COL9A3: variants seen among roughly 807,000 people sequenced by gnomAD.
COL9A3 encodes the protein collagen type IX alpha 3 chain.
COL9A3 carries 82 observed loss-of-function variants against 110.2 expected under a neutral mutation model. That is an observed-to-expected ratio of 0.74 (90% confidence interval 0.62 to 0.89). The LOEUF is 0.89. COL9A3 is among the 40% of genes least tolerant of loss of function. COL9A3 has a pLI of 0.00. For missense variants in COL9A3, 1,066 were observed against 981.3 expected (o/e 1.09, Z -1.15); for synonymous variants, 494 against 403.8 (o/e 1.22, Z -2.68).
intron 27 of COL9A3, 36 bp from the exon 28 acceptor site, chr20:62,836,151 C>G (rs1323356118): frequency 2.5e-6 from 4 of 1,608,726 alleles, no homozygotes; most frequent in Non-Finnish European, 2.5e-6. Context: ...GGCTCCTGGG[C>G]TCGCCCCTGA....
rs2147227451 is a variant in COL9A3 at position 62,836,242 on chromosome 20, G to A, written c.1457G>A (p.Ser486Asn). The change falls in exon 28 of 32, where the codon AGC (serine) becomes AAC (asparagine). Residue 486 changes from serine (S) to asparagine (N), a missense_variant. Physicochemically the swap from Ser to Asn is conservative, Grantham distance 46 (BLOSUM62 1). Coordinates refer to ENST00000649368, the MANE Select transcript of COL9A3 (RefSeq NM_001853.4). ...PKGTQGPNGT[S>N]GVQGVPGPPG... Reference sequence around the variant, plus strand: ...GGCACCCAGGGTCCCAACGGCACCAGCGGTGTTCAGGGTGTCCCCGGGCCC... The same window carrying A: ...GGCACCCAGGGTCCCAACGGCACCAACGGTGTTCAGGGTGTCCCCGGGCCC... 3 of 1,613,740 alleles carry A rather than the reference G, an allele frequency of 1.9e-6. No individual in the cohort carries two copies. Among genetic ancestry groups the A allele is most frequent in the South Asian group, 1.1e-5 (1 of 91,082 alleles).
At chr20:62,822,068 TG>T (rs761340343) in intron 8 of COL9A3, 42 bp from the exon 9 acceptor site, 2 of 1,211,114 alleles carry the variant, frequency 1.7e-6, no homozygotes, top group Non-Finnish European at 2.5e-6. Flanking sequence ...CTCACTCAGG[TG>T]GGGGCTGGTC....
chr20:62,817,373 C>A (rs1990963236), intron 1 of COL9A3, 194 bp from the exon 2 acceptor site: 2 of 533,422 alleles, frequency 3.7e-6, no homozygotes, highest in Non-Finnish European at 6.4e-6. Flanking sequence ...ACAAGGGGGC[C>A]TTTGTTCCCG....
At chr20:62,822,778 C>A in intron 10 of COL9A3, 146 bp downstream of exon 10, 5 of 823,666 alleles carry the variant, frequency 6.1e-6, no homozygotes, top group Non-Finnish European at 1.0e-5. Context: ...GCAGACAGCT[C>A]GGGCACAACC....
chr20:62,829,200 T>C (rs537770771), intron 19 of COL9A3, among the ~76,000 whole-genome samples: 1 of 152,294 alleles, frequency 6.6e-6, no homozygotes, highest in East Asian at 1.9e-4. Flanking sequence ...ACATGGGACA[T>C]GTGTGAACAT....
At position 62,836,560 on chromosome 20, in the gene COL9A3, G is replaced by A; in HGVS notation, c.1603+28G>A. 10 of 1,589,664 alleles carry A rather than the reference G, an allele frequency of 6.3e-6. No individual in the cohort carries two copies. In the South Asian group the frequency reaches 9.0e-5, roughly 14 times the overall value. ...AAGTCAGCCACGTGCACCGGCTGCA[G>A]CGGGGCCCATCCCCGCCTGGGGGTC... On this transcript the variant is annotated intron_variant, in intron 29 of 31. Transcript: ENST00000649368.
chr20:62,840,365 C>T (rs1029884771), intron 31 of COL9A3, among the ~76,000 whole-genome samples, 177 bp from the exon 32 acceptor site: 4 of 147,682 alleles, frequency 2.7e-5, no homozygotes, highest in African/African-American at 1.0e-4. Context: ...CACTCCCGAC[C>T]GCCAGCCCCG....
rs1187025076 is a variant in COL9A3 at position 62,825,840 on chromosome 20, C to T, written c.654C>T (p.Pro218=). The part of the protein sequence containing the change: ...GEKGDPGPPG[P]AGLPGSVGLQ... ...AGGGTGACCCTGGCCCCCCTGGGCC[C>T]GCCGGCCTCCCGGGCAGCGTGGGGC... Residue 218 remains proline, a synonymous_variant, in exon 13 of 32, where the codon CCC becomes CCT. Coordinates refer to ENST00000649368, the MANE Select transcript of COL9A3 (RefSeq NM_001853.4). The T allele has an allele frequency of 7.1e-6, 11 of 1,557,236 alleles. No individual in the cohort carries two copies. The highest frequency in any genetic ancestry group is 2.4e-5 in the East Asian group (1 of 41,768).
At chr20:62,829,959 G>T in intron 22 of COL9A3, 140 bp downstream of exon 22, 1 of 1,180,466 alleles carries the variant, frequency 8.5e-7, no homozygotes, top group South Asian at 1.5e-5. Context: ...CAGGAGGTGT[G>T]GGGCCCCATC....
intron 5 of COL9A3, 62 bp from the exon 6 acceptor site, chr20:62,821,119 G>A: frequency 6.5e-7 from 1 of 1,540,540 alleles, no homozygotes; most frequent in Non-Finnish European, 8.9e-7. Context: ...ACTTCAGAGG[G>A]AGGGGATTGG....
intron 17 of COL9A3, 80 bp from the exon 18 acceptor site, chr20:62,828,684 G>A: frequency 6.7e-7 from 1 of 1,495,112 alleles, no homozygotes; most frequent in Non-Finnish European, 9.3e-7. Context: ...GATGGGGAAG[G>A]AGGCTGCCCC....
In COL9A3 at chr20:62,822,106, C is replaced by T. The variant is rs1258284454; in HGVS notation, c.424-5C>T. ...CACTCTGTCTAAGTCATACCCCCTC[C>T]CCAGGGACCTTCTGGACTCCCCGGC... On this transcript the variant is annotated splice_region_variant and splice_polypyrimidine_tract_variant and intron_variant, in intron 8 of 31. Transcript: ENST00000649368. 1.9e-6 allele frequency: 3 copies of T among 1,546,816 alleles called. No homozygotes were observed. Among genetic ancestry groups the T allele is most frequent in the Non-Finnish European group, 2.7e-6 (3 of 1,119,424 alleles).
At chr20:62,822,681 G>A (rs1397854682) in intron 10 of COL9A3, 49 bp downstream of exon 10, 2 of 1,588,774 alleles carry the variant, frequency 1.3e-6, no homozygotes, top group Admixed American at 3.3e-5. Flanking sequence ...TGCCTACCTT[G>A]GGGGGAGGGG....
chr20:62,833,650 G>T (rs935725686), intron 26 of COL9A3, among the ~76,000 whole-genome samples: 1 of 151,848 alleles, frequency 6.6e-6, no homozygotes, highest in Admixed American at 6.6e-5. Context: ...TGATCATCCC[G>T]CCTTGGTCTC....
At chr20:62,836,561 C>A in intron 29 of COL9A3, 29 bp downstream of exon 29, 1 of 1,429,714 alleles carries the variant, frequency 7.0e-7, no homozygotes, top group Non-Finnish European at 9.3e-7. Flanking sequence ...CCGGCTGCAG[C>A]GGGGCCCATC....
At chr20:62,829,361 T>G in intron 19 of COL9A3, 94 bp from the exon 20 acceptor site, 1 of 1,531,786 alleles carries the variant, frequency 6.5e-7, no homozygotes, top group South Asian at 1.2e-5. Flanking sequence ...GCACTCACTC[T>G]GGCCCCTGCA....
chr20:62,830,249 C>T (rs1015069674), intron 22 of COL9A3, 111 bp from the exon 23 acceptor site: 44 of 1,287,604 alleles, frequency 3.4e-5, no homozygotes, highest in South Asian at 5.1e-5. Context: ...GGCTTAGAAC[C>T]GGCTCCTGTG....
At chr20:62,825,196 G>C (rs116748499) in intron 12 of COL9A3, among the ~76,000 whole-genome samples, 175 bp downstream of exon 12, 1 of 138,950 alleles carries the variant, frequency 7.2e-6, no homozygotes, top group Admixed American at 6.9e-5. Context: ...GCTGGGCTCC[G>C]GCGGTGGGGA....
chr20:62,817,687 C>A, intron 2 of COL9A3, 52 bp downstream of exon 2: 2 of 1,230,008 alleles, frequency 1.6e-6, no homozygotes, highest in African/African-American at 1.5e-5. Context: ...CTGGCTCTGG[C>A]CCCCACCTCC....
Sources: allele counts gnomAD v4.1 joint callset (sites outside exome capture counted in the v4.1 genomes callset), GRCh38; gene constraint gnomAD v4.1.1; transcripts MANE v1.5; gene names NCBI Gene and HGNC (gene_info 2026-07-23, HGNC 2026-07-21).